Variants in SMG6 observed in about 807,000 individuals in gnomAD.
SMG6 encodes the protein telomerase-binding protein EST1A.
SMG6 carries 66 observed loss-of-function variants against 142.2 expected under a neutral mutation model. The ratio of observed to expected loss-of-function variants is 0.46; its 90% CI spans 0.38 to 0.57. The LOEUF is 0.57. Ranked by LOEUF, SMG6 falls within the 20% of genes least tolerant of loss-of-function variation. The pLI, the probability that SMG6 is intolerant of heterozygous loss-of-function variation, is 0.00. For missense variants in SMG6, 1,793 were observed against 1,832.0 expected (o/e 0.98, Z 0.39); for synonymous variants, 779 against 702.4 (o/e 1.11, Z -1.72).
At chr17:2,208,345 T>C (rs76075407) in intron 10 of SMG6, among the ~76,000 whole-genome samples, 1,565 of 152,254 alleles carry the variant, frequency 0.01, 33 homozygotes, top group African/African-American at 0.034. Context: ...CTCTGGATTC[T>C]GGCAGTATTT....
chr17:2,108,958 T>C (rs561958937), intron 13 of SMG6, among the ~76,000 whole-genome samples: 1 of 152,226 alleles, frequency 6.6e-6, no homozygotes, highest in African/African-American at 2.4e-5. Flanking sequence ...TTTCACTTAT[T>C]TTATCTCATT....
chr17:2,117,297 A>G lies in SMG6; in HGVS notation c.3358-31396T>C, dbSNP rs375036390. 9.2e-5 allele frequency among the ~76,000 whole-genome samples: 14 copies of G among 152,204 alleles called. No homozygotes were observed. In the East Asian group the frequency reaches 9.7e-4, roughly 10 times the overall value. On this transcript the variant is annotated intron_variant, in intron 13 of 18. Transcript: ENST00000263073. ...CCATTTCCTTTCAACTCACTAGTGG[A>G]GATCTCAGACACTGTATTAAGGCAA...
At chr17:2,229,511 C>T (rs1020445904) in intron 10 of SMG6, 3 of 152,192 alleles carry the variant, frequency 2.0e-5, no homozygotes, top group African/African-American at 7.2e-5. Flanking sequence ...CTGTGCAGCC[C>T]TGCTTAACCT....
chr17:2,138,830 T>C (rs564144904), intron 13 of SMG6, among the ~76,000 whole-genome samples: 5 of 152,186 alleles, frequency 3.3e-5, no homozygotes, highest in Non-Finnish European at 7.3e-5. Flanking sequence ...TCTAAAGCAA[T>C]TAAGTGAAGA....
chr17:2,061,213 G>A lies in SMG6; in HGVS notation c.*279C>T, dbSNP rs1031797260. The A allele has an allele frequency of 2.7e-5, 10 of 370,348 alleles. No individual in the cohort carries two copies. The highest frequency in any genetic ancestry group is 6.2e-5 in the African/African-American group (3 of 48,058). The allele number at this position is 370,348 out of a possible 1,614,324, so 22.9% of individuals were successfully genotyped here. A position where few individuals can be genotyped will look rare whatever the true frequency, so the allele number is the denominator to read the frequency against. The stretch of plus-strand genomic sequence containing the variant: ...AGGGAGAAAGGCTGAGAGCATGGGC[G>A]GCCTATCTGGCTTGCCCAGCTGCTG... On this transcript the variant is annotated 3_prime_UTR_variant, in exon 19 of 19. Coordinates refer to ENST00000263073, the MANE Select transcript of SMG6 (RefSeq NM_017575.5).
intron 17 of SMG6, 77 bp downstream of exon 17, chr17:2,065,391 T>C: frequency 7.0e-7 from 1 of 1,433,410 alleles, no homozygotes; most frequent in Non-Finnish European, 9.6e-7. Flanking sequence ...CTGATGGGCC[T>C]CCTTCAGCCC....
At position 2,186,738 on chromosome 17, in the gene SMG6, T is replaced by C; in HGVS notation, c.3080A>G (p.Lys1027Arg). Reference sequence around the variant, plus strand: ...GCCGAGCATCCAATCTGACCAGACTTTGACACTGGGGAGCAGCTCCTTCAG... The same window carrying C: ...GCCGAGCATCCAATCTGACCAGACTCTGACACTGGGGAGCAGCTCCTTCAG... The part of the protein sequence containing the change: ...PDLKELLPSV[K>R]VWSDWMLGYP... Residue 1027 changes from lysine (K) to arginine (R), a missense_variant, in exon 12 of 19, where the codon AAA becomes AGA. Lys to Arg is a conservative substitution (Grantham distance 26, BLOSUM62 2). This residue lies in a region of SMG6 where 1,597 missense variants were observed against 1,584.6 expected (regional missense o/e 1.01). Coordinates refer to ENST00000263073, the MANE Select transcript of SMG6 (RefSeq NM_017575.5). The C allele has an allele frequency of 1.2e-6, 2 of 1,614,202 alleles. No homozygotes were observed. Among genetic ancestry groups the C allele is most frequent in the Non-Finnish European group, 1.7e-6 (2 of 1,180,038 alleles).
chr17:2,182,985 A>G (rs2071854007), intron 12 of SMG6, among the ~76,000 whole-genome samples: 1 of 152,184 alleles, frequency 6.6e-6, no homozygotes, highest in Non-Finnish European at 1.5e-5. Context: ...GCACTGTGGG[A>G]GGCCGAGGCA....
chr17:2,140,580 G>A (rs532208775), intron 13 of SMG6, among the ~76,000 whole-genome samples: 3 of 151,544 alleles, frequency 2.0e-5, no homozygotes, highest in East Asian at 1.9e-4. Flanking sequence ...GCTGAGGCAG[G>A]AGAATCGCTT....
chr17:2,136,853 T>C (rs2070320788), intron 13 of SMG6, among the ~76,000 whole-genome samples: 1 of 152,108 alleles, frequency 6.6e-6, no homozygotes, highest in Admixed American at 6.6e-5. Context: ...ACAGGCATGT[T>C]CTGCTCCTGA....
At chr17:2,272,261 T>C (rs1273247289) in intron 8 of SMG6, among the ~76,000 whole-genome samples, 1 of 152,138 alleles carries the variant, frequency 6.6e-6, no homozygotes, top group Admixed American at 6.5e-5. Context: ...TTACTTCTAT[T>C]TGGAACACTC....
chr17:2,133,537 G>A (rs1407024489), intron 13 of SMG6, among the ~76,000 whole-genome samples: 2 of 152,158 alleles, frequency 1.3e-5, no homozygotes, highest in Admixed American at 6.5e-5. Context: ...AAGAGTATGA[G>A]TGCATGTGTG....
At chr17:2,220,328 A>C (rs1215866804) in intron 10 of SMG6, among the ~76,000 whole-genome samples, 1 of 152,222 alleles carries the variant, frequency 6.6e-6, no homozygotes, top group Non-Finnish European at 1.5e-5. Flanking sequence ...TGATTAAATG[A>C]AAGTTAACAT....
Position 2,126,961 on chromosome 17 carries a change from T to C in SMG6, c.3358-41060A>G, listed in dbSNP as rs561909237. Among the ~76,000 whole-genome samples, 884 of 151,608 alleles carry C rather than the reference T, an allele frequency of 5.8e-3. 11 individuals carry two copies. The highest frequency in any genetic ancestry group is 0.016 in the African/African-American group (681 of 41,356). On this transcript the variant is annotated intron_variant, in intron 13 of 18. Coordinates refer to ENST00000263073, the MANE Select transcript of SMG6 (RefSeq NM_017575.5). ...ATGCGCACACATGCACACACACACA[T>C]ATACGCGTGAACACACGCGTGCATA...
chr17:2,109,604 A>C (rs2069252387), intron 13 of SMG6, among the ~76,000 whole-genome samples: 1 of 152,148 alleles, frequency 6.6e-6, no homozygotes, highest in East Asian at 1.9e-4. Context: ...CAGTAGATTA[A>C]GAATAGGATT....
chr17:2,226,356 G>A (rs1199550174), intron 10 of SMG6, among the ~76,000 whole-genome samples: 1 of 151,922 alleles, frequency 6.6e-6, no homozygotes, highest in Non-Finnish European at 1.5e-5. Context: ...CAAAGTGGGT[G>A]GATCACGAGG....
At chr17:2,302,909 T>G in intron 1 of SMG6, 1 of 961,800 alleles carries the variant, frequency 1.0e-6, no homozygotes, top group East Asian at 1.1e-4. Context: ...AAAACCAATT[T>G]CACAGACTGG....
At position 2,299,557 on chromosome 17, in the gene SMG6, T is replaced by A; in HGVS notation, c.1196A>T (p.Gln399Leu). 1 of 1,614,124 alleles carries A rather than the reference T, an allele frequency of 6.2e-7. No individual in the cohort carries two copies. The highest frequency in any genetic ancestry group is 8.5e-7 in the Non-Finnish European group (1 of 1,180,024). ...GCCACGACCACGACCCCGAAGTTCT[T>A]GTTTCGGGTTTTTGGACTCCTGCTT... ...SEKQESKNPK[Q>L]ELRGRGRGIL... Residue 399 changes from glutamine (Q) to leucine (L), a missense_variant, in exon 2 of 19, where the codon CAA becomes CTA. Around this residue, in one of 3 missense-constraint regions of SMG6, gnomAD observed 1,597 missense variants for 1,584.6 expected, o/e 1.01. Coordinates refer to ENST00000263073, the MANE Select transcript of SMG6 (RefSeq NM_017575.5). The surrounding 1 kb of genome is among the most constrained non-coding windows in gnomAD (Gnocchi z 4.3).
intron 8 of SMG6, chr17:2,255,577 C>G (rs979897659): frequency 1.3e-5 from 2 of 155,928 alleles, no homozygotes; most frequent in Admixed American, 6.5e-5. Context: ...CGGGCGCCTC[C>G]GCCCGGCCAG....
Sources: gnomAD v4.1 joint callset for allele counts (sites outside exome capture counted in the v4.1 genomes callset) on GRCh38, gnomAD v4.1.1 for gene constraint, gnomAD v4.1.1 regional missense constraint, Gnocchi (gnomAD v3.1) non-coding constraint, MANE v1.5 for transcripts, NCBI Gene and HGNC (gene_info 2026-07-23, HGNC 2026-07-21) for gene names.